Variants in PAPPA2 observed in about 807,000 individuals in gnomAD.
The protein encoded by PAPPA2 is pappalysin 2.
PAPPA2 carries 86 observed loss-of-function variants against 176.4 expected under a neutral mutation model. That is an observed-to-expected ratio of 0.49 (90% CI 0.41 to 0.58). PAPPA2 has a LOEUF of 0.58. Ranked by LOEUF, PAPPA2 falls within the 20% of genes least tolerant of loss-of-function variation. PAPPA2 has a pLI of 0.00. For synonymous variants in PAPPA2, 809 were observed against 852.2 expected (o/e 0.95, Z 0.88); for missense variants, 2,073 against 2,256.9 (o/e 0.92, Z 1.65).
chr1:176,610,344 T>G (rs1477909717), intron 3 of PAPPA2, among the ~76,000 whole-genome samples: 11 of 140,476 alleles, frequency 7.8e-5, no homozygotes, highest in East Asian at 2.4e-4. Context: ...AAGTTGTGTG[T>G]GGGGGGGGGG....
chr1:176,569,910 C>T (rs979571033), intron 2 of PAPPA2, among the ~76,000 whole-genome samples: 4 of 152,146 alleles, frequency 2.6e-5, no homozygotes, highest in African/African-American at 9.7e-5. Context: ...GTTATCCTTA[C>T]CTTCTACCTC....
chr1:176,574,180 T>TG (rs1652514267), intron 2 of PAPPA2, among the ~76,000 whole-genome samples: 1 of 152,122 alleles, frequency 6.6e-6, no homozygotes, highest in South Asian at 2.1e-4. Context: ...ATAATACAGT[T>TG]GAAGATATAG....
At chr1:176,696,809 A>G (rs1201028857) in intron 7 of PAPPA2, among the ~76,000 whole-genome samples, 2 of 152,162 alleles carry the variant, frequency 1.3e-5, no homozygotes, top group Non-Finnish European at 2.9e-5. Context: ...TGTGACACGA[A>G]AAAAAAGGAG....
chr1:176,705,818 T>C (rs1660857872), intron 9 of PAPPA2, among the ~76,000 whole-genome samples: 1 of 152,198 alleles, frequency 6.6e-6, no homozygotes, highest in Admixed American at 6.5e-5. Context: ...AAGGATTCCC[T>C]AGACAGGCTG....
intron 1 of PAPPA2, among the ~76,000 whole-genome samples, chr1:176,495,343 C>T (rs532926931): frequency 2.0e-5 from 3 of 152,126 alleles, no homozygotes; most frequent in South Asian, 4.2e-4. Flanking sequence ...GAGTTCGAGA[C>T]TAGACTGACC....
In PAPPA2 at chr1:176,556,345, G is replaced by T; in HGVS notation, c.23G>T (p.Arg8Ile). ...GGTATGATGTGCTTAAAGATCCTAAGAATAAGCCTGGCGATTTTGGCTGGG... is the reference window on the plus strand; with the variant it reads ...GGTATGATGTGCTTAAAGATCCTAATAATAAGCCTGGCGATTTTGGCTGGG... MMCLKIL[R>I]ISLAILAGWA... Residue 8 changes from arginine (R) to isoleucine (I), a missense_variant, in exon 2 of 23, where the codon AGA (arginine) becomes ATA (isoleucine). By Grantham distance (97) the Arg-to-Ile change is moderately conservative. This residue lies in a region of PAPPA2 where 1,196 missense variants were observed against 1,330.4 expected (regional missense o/e 0.90). Coordinates refer to ENST00000367662, the MANE Select transcript of PAPPA2 (RefSeq NM_020318.3). The T allele has an allele frequency of 1.9e-6, 3 of 1,614,060 alleles. No homozygotes were observed. The highest frequency in any genetic ancestry group is 2.5e-6 in the Non-Finnish European group (3 of 1,179,960).
At chr1:176,586,347 G>T (rs1220989632) in intron 2 of PAPPA2, among the ~76,000 whole-genome samples, 1 of 152,046 alleles carries the variant, frequency 6.6e-6, no homozygotes, top group Non-Finnish European at 1.5e-5. Context: ...AAAAAATAGG[G>T]ATACATGTGC....
At chr1:176,687,218 T>G (rs569434954) in intron 4 of PAPPA2, among the ~76,000 whole-genome samples, 14 of 152,218 alleles carry the variant, frequency 9.2e-5, no homozygotes, top group Non-Finnish European at 1.8e-4. Context: ...GTTAAAATTA[T>G]GTTTTTAGTG....
intron 3 of PAPPA2, among the ~76,000 whole-genome samples, chr1:176,636,034 G>A (rs1365695618): frequency 1.3e-5 from 2 of 151,100 alleles, no homozygotes; most frequent in Non-Finnish European, 3.0e-5. Context: ...GGGCATCACA[G>A]TAAATAACAT....
chr1:176,644,131 T>C (rs1657256111), intron 3 of PAPPA2, among the ~76,000 whole-genome samples: 1 of 151,838 alleles, frequency 6.6e-6, no homozygotes, highest in Non-Finnish European at 1.5e-5. Flanking sequence ...TCTCAAAAGC[T>C]CAGTGTCTTC....
chr1:176,607,680 C>G (rs545326061), intron 3 of PAPPA2, among the ~76,000 whole-genome samples: 1 of 152,074 alleles, frequency 6.6e-6, no homozygotes, highest in Non-Finnish European at 1.5e-5. Flanking sequence ...TCCATTTGCC[C>G]TAATATCTCT....
chr1:176,691,974 C>A (rs373929275), intron 5 of PAPPA2, 152 bp from the exon 6 acceptor site: 2 of 710,578 alleles, frequency 2.8e-6, no homozygotes, highest in Admixed American at 2.8e-5. Flanking sequence ...CTTTCTGGAA[C>A]AGATTGCATT....
intron 2 of PAPPA2, among the ~76,000 whole-genome samples, chr1:176,567,010 C>T (rs1395636016): frequency 6.6e-6 from 1 of 152,166 alleles, no homozygotes; most frequent in Non-Finnish European, 1.5e-5. Context: ...ATGGAATTAA[C>T]ATTATTCTGG....
intron 2 of PAPPA2, among the ~76,000 whole-genome samples, chr1:176,576,290 T>G (rs1398833082): frequency 6.6e-6 from 1 of 152,238 alleles, no homozygotes; most frequent in African/African-American, 2.4e-5. Context: ...AGTTTTAATC[T>G]TGACTTCATT....
chr1:176,631,437 A>G (rs1280951789), intron 3 of PAPPA2, among the ~76,000 whole-genome samples: 1 of 152,230 alleles, frequency 6.6e-6, no homozygotes, highest in East Asian at 1.9e-4. Context: ...CTTTGTGGCA[A>G]TAAAAAATAT....
At chr1:176,788,109 A>G (rs1665023277) in intron 17 of PAPPA2, among the ~76,000 whole-genome samples, 2 of 152,190 alleles carry the variant, frequency 1.3e-5, no homozygotes, top group Non-Finnish European at 2.9e-5. Flanking sequence ...TAGTATTATA[A>G]TGATTCAACT....
intron 1 of PAPPA2, among the ~76,000 whole-genome samples, chr1:176,542,397 CA>C (rs1228547495): frequency 2.6e-5 from 4 of 152,144 alleles, no homozygotes; most frequent in Non-Finnish European, 5.9e-5. Flanking sequence ...AGATTTGAAG[CA>C]GCTGACTTCT....
At chr1:176,594,254 G>T (rs1653821032) in intron 2 of PAPPA2, among the ~76,000 whole-genome samples, 1 of 152,196 alleles carries the variant, frequency 6.6e-6, no homozygotes, top group South Asian at 2.1e-4. Context: ...TTGAACATCT[G>T]CTTTCCAGCT....
chr1:176,639,214 T>C (rs1455573571), intron 3 of PAPPA2, among the ~76,000 whole-genome samples: 1 of 152,066 alleles, frequency 6.6e-6, no homozygotes, highest in Non-Finnish European at 1.5e-5. Flanking sequence ...TAGTTATTTT[T>C]GGTTGACCCC....
Sources: gnomAD v4.1 joint callset for allele counts (sites outside exome capture counted in the v4.1 genomes callset) on GRCh38, gnomAD v4.1.1 for gene constraint, gnomAD v4.1.1 regional missense constraint, MANE v1.5 for transcripts, NCBI Gene and HGNC (gene_info 2026-07-23, HGNC 2026-07-21) for gene names.